MIS18A: variants seen among roughly 807,000 people sequenced by gnomAD.
The protein encoded by MIS18A is MIS18 kinetochore protein A.
Under a neutral mutation model 25.0 loss-of-function variants are expected in MIS18A, and 14 were observed. The ratio of observed to expected loss-of-function variants is 0.56; its 90% CI spans 0.37 to 0.88. The LOEUF (loss-of-function observed/expected upper bound fraction) is 0.88, where lower values mean the gene tolerates loss of function less well. Among genes scored for constraint, MIS18A ranks in the 40% least tolerant of loss-of-function variants. MIS18A has a pLI of 0.00. For synonymous variants in MIS18A, 134 were observed against 118.6 expected, an observed-to-expected ratio of 1.13 and a Z score of -0.84; for missense variants, 292 against 290.8, an observed-to-expected ratio of 1.00 and a Z score of -0.03.
the MIS18A span, among the ~76,000 whole-genome samples, chr21:32,155,621 G>T: frequency 2.0e-5 from 3 of 152,126 alleles, no homozygotes; most frequent in Non-Finnish European, 4.4e-5. Context: ...TTATAATCAG[G>T]TACTTTTTAG....
the MIS18A span, among the ~76,000 whole-genome samples, chr21:32,241,368 T>C: frequency 2.3e-5 from 2 of 88,454 alleles, no homozygotes; most frequent in Non-Finnish European, 5.2e-5. Context: ...TAGCTGACAA[T>C]AAAAAAAAAA....
At chr21:32,177,530 A>G in the MIS18A span, among the ~76,000 whole-genome samples, 1 of 152,222 alleles carries the variant, frequency 6.6e-6, no homozygotes, top group African/African-American at 2.4e-5. Context: ...TAATCACAAC[A>G]TAATTGTATG....
the MIS18A span, among the ~76,000 whole-genome samples, chr21:32,217,598 A>G: frequency 0.011 from 1,669 of 152,344 alleles, 25 homozygotes; most frequent in African/African-American, 0.037. Context: ...AAATACATTT[A>G]CCCACACATC....
the MIS18A span, among the ~76,000 whole-genome samples, chr21:32,212,148 G>C: frequency 1.3e-5 from 2 of 152,212 alleles, no homozygotes; most frequent in African/African-American, 4.8e-5. Context: ...AGAGAGGAGA[G>C]GTTTACATCA....
At chr21:32,185,786 T>C in the MIS18A span, among the ~76,000 whole-genome samples, 1 of 151,762 alleles carries the variant, frequency 6.6e-6, no homozygotes, top group Non-Finnish European at 1.5e-5. Context: ...AATGTGAAGG[T>C]CCTCCCTGGG....
At chr21:32,211,645 G>A in the MIS18A span, among the ~76,000 whole-genome samples, 2 of 152,172 alleles carry the variant, frequency 1.3e-5, no homozygotes, top group African/African-American at 4.8e-5. Context: ...CATGATGGAA[G>A]TCTTAGGAGA....
At chr21:32,196,806 GAGAT>G in the MIS18A span, among the ~76,000 whole-genome samples, 332 of 152,218 alleles carry the variant, frequency 2.2e-3, 1 homozygote, top group African/African-American at 7.7e-3. Flanking sequence ...GATTAATAGA[GAGAT>G]AGGTCGGATA....
At chr21:32,270,385 A>G in intron 3 of MIS18A, 22 bp downstream of exon 3, 1 of 1,613,440 alleles carries the variant, frequency 6.2e-7, no homozygotes, top group Non-Finnish European at 8.5e-7. Context: ...TTGTGAGGTA[A>G]ACATTTATAT....
the MIS18A span, among the ~76,000 whole-genome samples, chr21:32,203,938 T>C: frequency 6.6e-6 from 1 of 151,826 alleles, no homozygotes; most frequent in Non-Finnish European, 1.5e-5. Context: ...TTTTGAAGAA[T>C]GGGTGAGCTT....
At chr21:32,253,037 G>C in the MIS18A span, among the ~76,000 whole-genome samples, 2 of 152,302 alleles carry the variant, frequency 1.3e-5, no homozygotes, top group African/African-American at 4.8e-5. Flanking sequence ...GCTAGGAAAG[G>C]ATGGAGGGAT....
the MIS18A span, among the ~76,000 whole-genome samples, chr21:32,203,384 A>G: frequency 6.6e-6 from 1 of 151,922 alleles, no homozygotes; most frequent in African/African-American, 2.4e-5. Flanking sequence ...AGAACCCCAG[A>G]GATAAAGAAA....
the MIS18A span, among the ~76,000 whole-genome samples, chr21:32,238,619 C>T: frequency 2.6e-5 from 4 of 152,214 alleles, no homozygotes; most frequent in African/African-American, 9.6e-5. Flanking sequence ...TCTCTGTTAT[C>T]CCTTTGCCCC....
the MIS18A span, among the ~76,000 whole-genome samples, chr21:32,220,727 C>A: frequency 6.6e-6 from 1 of 152,000 alleles, no homozygotes; most frequent in South Asian, 2.1e-4. Context: ...AAGCTAAGAA[C>A]CTTGATAAAA....
the MIS18A span, among the ~76,000 whole-genome samples, chr21:32,256,622 A>G: frequency 6.6e-6 from 1 of 152,186 alleles, no homozygotes; most frequent in African/African-American, 2.4e-5. Flanking sequence ...ATGATGAGAA[A>G]AACATTGAAG....
chr21:32,274,495 C>T lies in MIS18A; in HGVS notation c.401+335G>A, dbSNP rs530767015. The stretch of plus-strand genomic sequence containing the variant: ...TGCTGGGATTACAGGCGTGAGCCAC[C>T]GTGCCCGACCTTCTTTTTCTATTTT... On this transcript the variant is annotated intron_variant, in intron 2 of 4. Transcript: ENST00000290130. Among the ~76,000 whole-genome samples, 10 of 152,094 alleles carry T rather than the reference C, an allele frequency of 6.6e-5. No homozygotes were observed. The South Asian group carries it at 1.7e-3, about 25-fold the overall frequency.
chr21:32,221,856 C>T, the MIS18A span, among the ~76,000 whole-genome samples: 7 of 151,868 alleles, frequency 4.6e-5, no homozygotes, highest in African/African-American at 1.5e-4. Flanking sequence ...CATGCCACTG[C>T]ACTCCAGCCT....
chr21:32,162,439 C>G, the MIS18A span, among the ~76,000 whole-genome samples: 1 of 152,160 alleles, frequency 6.6e-6, no homozygotes, highest in Non-Finnish European at 1.5e-5. Flanking sequence ...CTGTGGGAGA[C>G]GGGGGATCTT....
At chr21:32,227,412 A>T in the MIS18A span, among the ~76,000 whole-genome samples, 1 of 152,130 alleles carries the variant, frequency 6.6e-6, no homozygotes, top group Non-Finnish European at 1.5e-5. Flanking sequence ...AAATAGGATT[A>T]TAACAAAAAA....
intron 4 of MIS18A, 37 bp from the exon 5 acceptor site, chr21:32,269,154 A>C: frequency 7.2e-7 from 1 of 1,398,232 alleles, no homozygotes; most frequent in Non-Finnish European, 9.8e-7. Flanking sequence ...AAAGAAACAC[A>C]CATATAATTA....
Sources: allele counts gnomAD v4.1 joint callset (sites outside exome capture counted in the v4.1 genomes callset), GRCh38; gene constraint gnomAD v4.1.1; transcripts MANE v1.5; gene names NCBI Gene and HGNC (gene_info 2026-07-23, HGNC 2026-07-21).